The following SEMA3A variants were observed in gnomAD, a reference collection of about 807,000 sequenced individuals.
SEMA3A encodes the protein semaphorin-3A.
A neutral mutation model predicts 97.9 loss-of-function variants in SEMA3A; 29 were observed. The ratio of observed to expected loss-of-function variants is 0.30; its 90% CI spans 0.22 to 0.40. The LOEUF (loss-of-function observed/expected upper bound fraction) is 0.40. Among genes scored for constraint, SEMA3A ranks in the 10% least tolerant of loss-of-function variants. SEMA3A has a pLI of 1.00. For missense variants in SEMA3A, 763 were observed against 951.3 expected (o/e 0.80, Z 2.60); for synonymous variants, 321 against 323.7 (o/e 0.99, Z 0.09).
chr7:84,240,795 C>G (rs774354970), intron 3 of SEMA3A, among the ~76,000 whole-genome samples: 118 of 152,232 alleles, frequency 7.8e-4, no homozygotes, highest in Admixed American at 2.1e-3. Context: ...GTGATGTCCC[C>G]CTCCCTGGGT....
chr7:84,013,650 C>G (rs1790976697), intron 7 of SEMA3A, among the ~76,000 whole-genome samples: 2 of 151,902 alleles, frequency 1.3e-5, no homozygotes, highest in African/African-American at 4.9e-5. Flanking sequence ...AGTTCAAGAC[C>G]AGCCTGGCCA....
chr7:84,361,011 G>T (rs1006859572), intron 2 of SEMA3A, among the ~76,000 whole-genome samples: 3 of 151,984 alleles, frequency 2.0e-5, no homozygotes, highest in African/African-American at 7.2e-5. Flanking sequence ...ATGTTATCAA[G>T]AATTCAAAAT....
rs559485462 is a variant in SEMA3A, at chr7:83,966,773, G to A, written c.1718-3426C>T. 6.6e-5 allele frequency among the ~76,000 whole-genome samples: 10 copies of A among 151,472 alleles called. No individual in the cohort carries two copies. The South Asian group carries it at 1.2e-3, about 19-fold the overall frequency. On this transcript the variant is annotated intron_variant, in intron 15 of 16. Transcript: ENST00000265362. The stretch of plus-strand genomic sequence containing the variant: ...GTTGCCCAGGCTGGAGTGCAATGGC[G>A]TGATCTCGGCTCACGGCAACCTCCG...
chr7:84,097,984 T>C (rs1009242897), intron 4 of SEMA3A, among the ~76,000 whole-genome samples: 7 of 152,048 alleles, frequency 4.6e-5, no homozygotes, highest in African/African-American at 1.7e-4. Context: ...GGAAAAAAAA[T>C]GTAATATTTC....
intron 1 of SEMA3A, 50 bp downstream of exon 1, chr7:84,194,425 G>C (rs754018489): frequency 4.8e-6 from 6 of 1,237,836 alleles, no homozygotes; most frequent in South Asian, 2.5e-5. Context: ...GAATTAAGGG[G>C]GGGGGCGGTT....
At chr7:84,083,337 A>G (rs564738443) in intron 4 of SEMA3A, among the ~76,000 whole-genome samples, 2 of 152,052 alleles carry the variant, frequency 1.3e-5, no homozygotes, top group South Asian at 4.1e-4. Flanking sequence ...ATAGTTGTAC[A>G]CATTGTGGGG....
upstream of SEMA3A, among the ~76,000 whole-genome samples, chr7:84,197,673 C>A (rs1482811792): frequency 1.3e-5 from 2 of 149,190 alleles, no homozygotes; most frequent in South Asian, 2.1e-4. Context: ...CAGAATCTAT[C>A]GGAATCTGGC....
At chr7:84,285,970 CAAAA>C (rs564063430) in intron 3 of SEMA3A, among the ~76,000 whole-genome samples, 3 of 70,150 alleles carry the variant, frequency 4.3e-5, no homozygotes, top group African/African-American at 9.0e-5. Context: ...GACCCCATCT[CAAAA>C]AAAAAAAAAA....
chr7:83,963,437 T>G (rs1363399579), intron 15 of SEMA3A, 90 bp from the exon 16 acceptor site: 1 of 1,389,416 alleles, frequency 7.2e-7, no homozygotes, highest in African/African-American at 1.4e-5. Context: ...AGGAGACAAG[T>G]TATTGCCAAG....
At chr7:84,387,298 A>T (rs2116161748) in intron 1 of SEMA3A, among the ~76,000 whole-genome samples, 1 of 152,264 alleles carries the variant, frequency 6.6e-6, no homozygotes, top group Non-Finnish European at 1.5e-5. Context: ...ATAAATAAAT[A>T]GATAGATAAT....
intron 1 of SEMA3A, among the ~76,000 whole-genome samples, chr7:84,380,144 T>C (rs940221378): frequency 6.6e-6 from 1 of 152,156 alleles, no homozygotes; most frequent in Non-Finnish European, 1.5e-5. Flanking sequence ...ATTTTAATTA[T>C]TTACATCATA....
chr7:84,232,026 G>C lies in SEMA3A; in HGVS notation c.-82-37358C>G, dbSNP rs542359662. Among the ~76,000 whole-genome samples the C allele has an allele frequency of 1.1e-3, 170 of 151,340 alleles. 1 individual carries two copies. The highest frequency in any genetic ancestry group is 3.9e-3 in the African/African-American group (163 of 41,318). On this transcript the variant is annotated intron_variant, in intron 3 of 3. Coordinates refer to the SEMA3A transcript ENST00000424555. ...TGTGTGTGTGTATATGTAAATATAT[G>C]TTTGTATATGTATGCATGTGTGTGT...
At chr7:84,343,752 C>T (rs1414311151) in intron 2 of SEMA3A, among the ~76,000 whole-genome samples, 1 of 152,048 alleles carries the variant, frequency 6.6e-6, no homozygotes, top group African/African-American at 2.4e-5. Flanking sequence ...GTAATCTCAG[C>T]ACCTTGGAAG....
At chr7:84,289,338 A>C (rs1039408520) in intron 3 of SEMA3A, among the ~76,000 whole-genome samples, 18 of 152,090 alleles carry the variant, frequency 1.2e-4, no homozygotes, top group African/African-American at 3.9e-4. Flanking sequence ...AATTTACTGT[A>C]TATTTCAAAA....
chr7:84,390,338 T>A lies in SEMA3A; in HGVS notation c.-245-18438A>T, dbSNP rs937495769. ...GAAAAAGCTTGTGATATTCAAGAAT[T>A]ATTATTATTATTATTATTATTATTA... is the stretch of plus-strand genomic sequence containing the variant. On this transcript the variant is annotated intron_variant, in intron 1 of 3. Coordinates refer to the SEMA3A transcript ENST00000424555. Among the ~76,000 whole-genome samples the A allele has an allele frequency of 1.2e-3, 83 of 71,190 alleles. 1 individual carries two copies. In the South Asian group the frequency reaches 0.047, roughly 40 times the overall value. The allele number at this position is 71,190 out of a possible 152,430, so 46.7% of individuals were successfully genotyped here.
chr7:84,481,894 A>G (rs1456715670), intron 1 of SEMA3A, among the ~76,000 whole-genome samples: 3 of 151,806 alleles, frequency 2.0e-5, no homozygotes, highest in African/African-American at 7.2e-5. Flanking sequence ...ATATTTAATT[A>G]CTCAAGAGTA....
chr7:84,070,372 A>C (rs1197642636), intron 4 of SEMA3A, among the ~76,000 whole-genome samples: 1 of 152,136 alleles, frequency 6.6e-6, no homozygotes. Context: ...GCTAATGTCT[A>C]ATCCAAAGTC....
intron 1 of SEMA3A, among the ~76,000 whole-genome samples, chr7:84,412,634 G>A (rs1395084971): frequency 1.3e-5 from 2 of 152,108 alleles, no homozygotes; most frequent in Non-Finnish European, 2.9e-5. Context: ...CTTTCCTGAT[G>A]AGCAATCTTT....
intron 4 of SEMA3A, among the ~76,000 whole-genome samples, chr7:84,081,784 G>T (rs550710172): frequency 6.6e-6 from 1 of 151,876 alleles, no homozygotes; most frequent in Admixed American, 6.6e-5. Flanking sequence ...ACATACAAGT[G>T]TATAAATAAA....
Sources: allele counts gnomAD v4.1 joint callset (sites outside exome capture counted in the v4.1 genomes callset), GRCh38; gene constraint gnomAD v4.1.1; transcripts MANE v1.5; gene names NCBI Gene and HGNC (gene_info 2026-07-23, HGNC 2026-07-21).